The following GPC6 variants were observed in gnomAD, a reference collection of about 807,000 sequenced individuals.
The protein encoded by GPC6 is glypican-6.
GPC6 carries 14 observed loss-of-function variants against 55.2 expected under a neutral mutation model. The ratio of observed to expected loss-of-function variants is 0.25; its 90% CI spans 0.17 to 0.40. The LOEUF (loss-of-function observed/expected upper bound fraction) is 0.40, where lower values mean the gene tolerates loss of function less well. GPC6 is among the 10% of genes least tolerant of loss of function. The pLI is 1.00. For synonymous variants in GPC6, 278 were observed against 259.6 expected, an observed-to-expected ratio of 1.07 and a Z score of -0.68; for missense variants, 641 against 708.5, an observed-to-expected ratio of 0.90 and a Z score of 1.08.
intron 2 of GPC6, among the ~76,000 whole-genome samples, chr13:93,702,362 G>T (rs1952741706): frequency 6.6e-6 from 1 of 151,952 alleles, no homozygotes; most frequent in Non-Finnish European, 1.5e-5. Flanking sequence ...CTAAACAGAA[G>T]TGCTGACATC....
At chr13:94,009,543 G>A (rs1247713018) in intron 3 of GPC6, among the ~76,000 whole-genome samples, 1 of 152,108 alleles carries the variant, frequency 6.6e-6, no homozygotes, top group Admixed American at 6.6e-5. Context: ...AGTTGGCAGT[G>A]AAATAGATGA....
At chr13:93,685,809 C>T (rs1464888588) in intron 2 of GPC6, among the ~76,000 whole-genome samples, 1 of 152,078 alleles carries the variant, frequency 6.6e-6, no homozygotes, top group Non-Finnish European at 1.5e-5. Flanking sequence ...AAAATATTTT[C>T]TCAAATATTT....
intron 1 of GPC6, among the ~76,000 whole-genome samples, chr13:93,366,160 T>C (rs1424357440): frequency 6.6e-6 from 1 of 152,100 alleles, no homozygotes; most frequent in Admixed American, 6.6e-5. Context: ...TATCTCAGGT[T>C]TTCTTTAAAT....
chr13:94,164,340 G>A (rs928591912), intron 4 of GPC6, among the ~76,000 whole-genome samples: 7 of 152,124 alleles, frequency 4.6e-5, no homozygotes, highest in African/African-American at 1.2e-4. Flanking sequence ...TGTACCCAGC[G>A]AGGTAGATCT....
At chr13:93,333,531 ATTT>A (rs35057548) in intron 1 of GPC6, among the ~76,000 whole-genome samples, 8 of 130,600 alleles carry the variant, frequency 6.1e-5, no homozygotes, top group Non-Finnish European at 4.8e-5. Context: ...ATGCTATTGA[ATTT>A]TTTTTTTTTT....
chr13:93,283,700 T>C (rs1430761367), intron 1 of GPC6, among the ~76,000 whole-genome samples: 1 of 152,212 alleles, frequency 6.6e-6, no homozygotes, highest in Non-Finnish European at 1.5e-5. Context: ...ATCACTTTTG[T>C]GAATAATCCC....
intron 4 of GPC6, among the ~76,000 whole-genome samples, chr13:94,270,053 T>A (rs1216191608): frequency 6.6e-6 from 1 of 152,198 alleles, no homozygotes; most frequent in African/African-American, 2.4e-5. Flanking sequence ...ATAGAATGTC[T>A]GCTTGAATGT....
At chr13:93,378,385 C>T (rs74108504) in intron 1 of GPC6, among the ~76,000 whole-genome samples, 3,527 of 152,276 alleles carry the variant, frequency 0.023, 135 homozygotes, top group African/African-American at 0.081. Context: ...CTTCCTCCAG[C>T]ACTGGTTGGC....
intron 4 of GPC6, among the ~76,000 whole-genome samples, chr13:94,099,338 C>T (rs555178019): frequency 6.6e-5 from 10 of 152,054 alleles, no homozygotes; most frequent in African/African-American, 2.2e-4. Flanking sequence ...ATTATATGTT[C>T]CCTTCTTGAT....
Position 93,561,404 on chromosome 13 carries a change from G to GATAT in GPC6, c.319+16002_319+16005dup, listed in dbSNP as rs66957373. On this transcript the variant is annotated intron_variant, in intron 2 of 8. Transcript: ENST00000377047. ...AATAATTGCATACTATATCCCTATC[G>GATAT]ATATATATATATATATATATATTTG... Among the ~76,000 whole-genome samples, 980 of 104,672 alleles carry GATAT rather than the reference G, an allele frequency of 9.4e-3. 108 individuals carry two copies. Among genetic ancestry groups the GATAT allele is most frequent in the African/African-American group, 0.02 (473 of 24,124 alleles). The allele number at this position is 104,672 out of a possible 152,430, so 68.7% of individuals were successfully genotyped here.
intron 2 of GPC6, among the ~76,000 whole-genome samples, chr13:93,719,595 C>A (rs569496097): frequency 2.0e-5 from 3 of 152,126 alleles, no homozygotes; most frequent in African/African-American, 7.2e-5. Flanking sequence ...TGCCTGATTG[C>A]CCTGGCCAGA....
chr13:94,147,711 T>C (rs185464458), intron 4 of GPC6, among the ~76,000 whole-genome samples: 8 of 152,252 alleles, frequency 5.3e-5, no homozygotes, highest in Admixed American at 2.0e-4. Context: ...TCCAGAACTC[T>C]GGTTGTCTCA....
chr13:93,847,250 G>A (rs144650376), intron 3 of GPC6, among the ~76,000 whole-genome samples: 314 of 152,186 alleles, frequency 2.1e-3, no homozygotes, highest in African/African-American at 7.1e-3. Flanking sequence ...GGAAGTGGAG[G>A]AGACGCATTA....
Position 94,027,791 on chromosome 13 carries a change from G to A in GPC6, c.774G>A (p.Arg258=), listed in dbSNP as rs1274447661. Residue 258 remains arginine (R), a synonymous_variant, in exon 4 of 9, where the codon CGG becomes CGA. Transcript: ENST00000377047. ...AGATGCTGTACTGCCCATACTGTCGGGGGCTTCCCACTGTGAGGCCCTGCA... is the reference window on the plus strand; with the variant it reads ...AGATGCTGTACTGCCCATACTGTCGAGGGCTTCCCACTGTGAGGCCCTGCA... ...LMKMLYCPYC[R]GLPTVRPCNN... 2 of 1,613,916 alleles carry A rather than the reference G, an allele frequency of 1.2e-6. No homozygotes were observed. Among genetic ancestry groups the A allele is most frequent in the Non-Finnish European group, 1.7e-6 (2 of 1,179,870 alleles).
intron 3 of GPC6, among the ~76,000 whole-genome samples, chr13:93,834,138 T>C (rs1887643141): frequency 6.6e-6 from 1 of 152,202 alleles, no homozygotes; most frequent in African/African-American, 2.4e-5. Context: ...TTCAATTTCA[T>C]CCGGATAAAC....
intron 6 of GPC6, among the ~76,000 whole-genome samples, chr13:94,369,808 T>G (rs1268015458): frequency 3.3e-5 from 5 of 152,146 alleles, no homozygotes; most frequent in Admixed American, 6.5e-5. Flanking sequence ...TTTTGTTTTT[T>G]GGGGTTTTTT....
intron 2 of GPC6, among the ~76,000 whole-genome samples, chr13:93,654,703 C>T (rs1219056930): frequency 6.6e-6 from 1 of 152,130 alleles, no homozygotes; most frequent in Non-Finnish European, 1.5e-5. Flanking sequence ...AAGTACCAGG[C>T]TAGGTAACTA....
At chr13:93,738,381 A>T (rs9516278) in intron 2 of GPC6, among the ~76,000 whole-genome samples, 59,588 of 152,096 alleles carry the variant, frequency 0.39, 12,232 homozygotes, top group East Asian at 0.57. Context: ...CTGAAAGCAC[A>T]GTGACCATAA....
At chr13:93,358,685 T>G (rs1880938528) in intron 1 of GPC6, among the ~76,000 whole-genome samples, 1 of 152,238 alleles carries the variant, frequency 6.6e-6, no homozygotes, top group Non-Finnish European at 1.5e-5. Flanking sequence ...ATCCTATCTT[T>G]TCTCAAAAGA....
Sources: gnomAD v4.1 joint callset for allele counts (sites outside exome capture counted in the v4.1 genomes callset) on GRCh38, gnomAD v4.1.1 for gene constraint, MANE v1.5 for transcripts, NCBI Gene and HGNC (gene_info 2026-07-23, HGNC 2026-07-21) for gene names.